Variants in FIGN observed in about 807,000 individuals in gnomAD.
The protein encoded by FIGN is fidgetin, microtubule severing factor.
In FIGN, 11 loss-of-function variants were observed where a neutral mutation model predicts 51.3. The observed-to-expected ratio is 0.21, with a 90% CI of 0.13 to 0.35. The LOEUF (loss-of-function observed/expected upper bound fraction) is 0.35. Ranked by LOEUF, FIGN falls within the 10% of genes least tolerant of loss-of-function variation. The pLI is 1.00. For missense variants in FIGN, 857 were observed against 943.6 expected (o/e 0.91, Z 1.20); for synonymous variants, 407 against 363.2 (o/e 1.12, Z -1.37).
intron 2 of FIGN, among the ~76,000 whole-genome samples, chr2:163,657,653 G>A (rs1427092211): frequency 1.3e-5 from 2 of 152,052 alleles, no homozygotes; most frequent in East Asian, 1.9e-4. Context: ...AACCAGCAAC[G>A]AGTTCTTCCA....
rs1553498293 is a variant in FIGN, at chr2:163,660,844, T to TATACATATATATGTATACATATATAC, written c.26-49039_26-49038insGTATATATGTATACATATATATGTAT. ...ACATATATATGTATACATATATACA[T>TATACATATATATGTATACATATATAC]ATATATATGTATACATATATATATA... On this transcript the variant is annotated intron_variant, in intron 2 of 2. Transcript: ENST00000333129. Among the ~76,000 whole-genome samples the TATACATATATATGTATACATATATAC allele has an allele frequency of 3.1e-5, 2 of 65,524 alleles. 1 individual carries two copies. Among genetic ancestry groups the TATACATATATATGTATACATATATAC allele is most frequent in the Non-Finnish European group, 5.6e-5 (2 of 36,024 alleles). The allele number at this position is 65,524 out of a possible 152,430, so 43.0% of individuals were successfully genotyped here. A position where few individuals can be genotyped will look rare whatever the true frequency, so the allele number is the denominator to read the frequency against.
chr2:163,620,158 A>G (rs1682943460), intron 2 of FIGN, among the ~76,000 whole-genome samples: 1 of 152,068 alleles, frequency 6.6e-6, no homozygotes, highest in South Asian at 2.1e-4. Context: ...TGATTTTCCC[A>G]TATTTAAAAA....
At chr2:163,652,469 A>T (rs1265272246) in intron 2 of FIGN, among the ~76,000 whole-genome samples, 1 of 99,442 alleles carries the variant, frequency 1.0e-5, no homozygotes, top group East Asian at 3.8e-4. Context: ...ACATAGTTTT[A>T]ATATATCCTA....
chr2:163,683,086 G>C (rs564406169), intron 2 of FIGN, among the ~76,000 whole-genome samples: 1 of 152,218 alleles, frequency 6.6e-6, no homozygotes, highest in East Asian at 1.9e-4. Flanking sequence ...AGACATATGG[G>C]TTGGAGGAAA....
Position 163,606,260 on chromosome 2 carries a change from G to A in FIGN, c.*3292C>T, listed in dbSNP as rs1415924413. Reference sequence around the variant, plus strand: ...AATGTTCTAAATATTTGGGAGAGAAGCATGCCAGAAGTGTAGAGTATTTCC... The same window carrying A: ...AATGTTCTAAATATTTGGGAGAGAAACATGCCAGAAGTGTAGAGTATTTCC... On this transcript the variant is annotated 3_prime_UTR_variant, in exon 3 of 3. Transcript: ENST00000333129. The A allele has an allele frequency of 1.3e-5, 2 of 152,132 alleles. No homozygotes were observed. 9.4% of individuals were successfully genotyped at this position (152,132 alleles called of 1,614,324 possible).
rs1215271557 is a variant in FIGN at position 163,638,704 on chromosome 2, A to G, written c.26-26898T>C. Among the ~76,000 whole-genome samples, 2 of 152,148 alleles carry G rather than the reference A, an allele frequency of 1.3e-5. 1 individual carries two copies. Among genetic ancestry groups the G allele is most frequent in the Non-Finnish European group, 2.9e-5 (2 of 68,044 alleles). On this transcript the variant is annotated intron_variant, in intron 2 of 2. Transcript: ENST00000333129. ...CTGCAGCACACACATTTATTTTCAC[A>G]TGCTTTATGGTTAGTTTTCATTCAG...
chr2:163,675,435 C>G (rs1683941016), intron 2 of FIGN, among the ~76,000 whole-genome samples: 1 of 152,224 alleles, frequency 6.6e-6, no homozygotes, highest in South Asian at 2.1e-4. Flanking sequence ...CCAGCAGCAA[C>G]AGCATCACTG....
At chr2:163,732,225 CT>C (rs1239578524) in intron 2 of FIGN, among the ~76,000 whole-genome samples, 1 of 152,134 alleles carries the variant, frequency 6.6e-6, no homozygotes, top group Non-Finnish European at 1.5e-5. Flanking sequence ...TTCCAAAGGA[CT>C]TATGTGTCCA....
chr2:163,633,015 CAA>C (rs576483120), intron 2 of FIGN, among the ~76,000 whole-genome samples: 3 of 149,608 alleles, frequency 2.0e-5, no homozygotes, highest in Non-Finnish European at 4.5e-5. Context: ...ACATAGCTAC[CAA>C]AAAAAAACCT....
intron 2 of FIGN, among the ~76,000 whole-genome samples, chr2:163,677,564 A>G (rs1051999968): frequency 1.3e-5 from 2 of 152,264 alleles, no homozygotes; most frequent in African/African-American, 4.8e-5. Flanking sequence ...GCTGGACAGC[A>G]GAGAAGCTAA....
chr2:163,641,495 A>G (rs1683305214), intron 2 of FIGN, among the ~76,000 whole-genome samples: 1 of 152,244 alleles, frequency 6.6e-6, no homozygotes, highest in South Asian at 2.1e-4. Flanking sequence ...GAGTTCTTAC[A>G]GATCAGGAAT....
In FIGN at chr2:163,670,550, A is replaced by G. The variant is rs150574086; in HGVS notation, c.26-58744T>C. Among the ~76,000 whole-genome samples the G allele has an allele frequency of 6.3e-3, 967 of 152,320 alleles. 7 individuals are homozygous for G. Among genetic ancestry groups the G allele is most frequent in the African/African-American group, 0.023 (943 of 41,570 alleles). The stretch of plus-strand genomic sequence containing the variant: ...TGTCATCTTTTCCAGTGTTTAGCTT[A>G]TCGATAGCTTACTTATAAAAGTCTG... On this transcript the variant is annotated intron_variant, in intron 2 of 2. Transcript: ENST00000333129.
chr2:163,666,134 T>A (rs1382033801), intron 2 of FIGN, among the ~76,000 whole-genome samples: 1 of 152,214 alleles, frequency 6.6e-6, no homozygotes, highest in East Asian at 1.9e-4. Context: ...ATTCTGGTTT[T>A]GAAACCTGAG....
At chr2:163,728,397 AACACACAC>A (rs60526284) in intron 2 of FIGN, among the ~76,000 whole-genome samples, 6,254 of 141,850 alleles carry the variant, frequency 0.044, 397 homozygotes, top group African/African-American at 0.14. Context: ...CAAACCATTA[AACACACAC>A]ACACACACAC....
chr2:163,610,276 G>T lies in FIGN; in HGVS notation c.1556C>A (p.Pro519His), dbSNP rs1691210604. The T allele has an allele frequency of 3.7e-6, 6 of 1,614,116 alleles. No individual in the cohort carries two copies. Among genetic ancestry groups the T allele is most frequent in the African/African-American group, 1.3e-5 (1 of 75,050 alleles). Residue 519 changes from proline to histidine, a missense_variant, in exon 3 of 3, where the codon CCT becomes CAT. Physicochemically the swap from Pro to His is moderately conservative, Grantham distance 77 (BLOSUM62 -2). Around this residue, in one of 3 missense-constraint regions of FIGN, gnomAD observed 799 missense variants for 849.5 expected, o/e 0.94. Coordinates refer to ENST00000333129, the MANE Select transcript of FIGN (RefSeq NM_018086.4). ...SDAFSGLTAL[P>H]RSILLFGPRG... ...AGGTCCAAATAAAAGGATGCTCCGA[G>T]GTAAGGCCGTCAGTCCACTGAACGC...
In FIGN at chr2:163,610,460, C is replaced by G; in HGVS notation, c.1372G>C (p.Asp458His). ...RAATSSNHSV[D>H]EQLKNTDTHL... The stretch of plus-strand genomic sequence containing the variant: ...GTGTCAGTATTCTTCAGTTGCTCGT[C>G]CACAGAGTGGTTGGATGAGGTAGCT... Residue 458 changes from aspartate to histidine, a missense_variant, in exon 3 of 3, where the codon GAC becomes CAC. Transcript: ENST00000333129. 6.2e-7 allele frequency: 1 copy of G among 1,614,130 alleles called. No individual in the cohort carries two copies. The highest frequency in any genetic ancestry group is 8.5e-7 in the Non-Finnish European group (1 of 1,180,034).
At chr2:163,646,869 A>G (rs1683390925) in intron 2 of FIGN, among the ~76,000 whole-genome samples, 1 of 152,250 alleles carries the variant, frequency 6.6e-6, no homozygotes, top group South Asian at 2.1e-4. Context: ...TGGTGACACA[A>G]TAGAATGCAA....
At chr2:163,696,263 G>C (rs1265930946) in intron 2 of FIGN, among the ~76,000 whole-genome samples, 2 of 152,156 alleles carry the variant, frequency 1.3e-5, no homozygotes, top group African/African-American at 4.8e-5. Flanking sequence ...GCAGATGTTA[G>C]GTGGTATAAC....
intron 2 of FIGN, among the ~76,000 whole-genome samples, chr2:163,618,915 T>A (rs149739693): frequency 1.1e-3 from 164 of 152,172 alleles, no homozygotes; most frequent in African/African-American, 3.5e-3. Flanking sequence ...TAAAAACATT[T>A]TCCAAATACT....
Sources: allele counts gnomAD v4.1 joint callset (sites outside exome capture counted in the v4.1 genomes callset), GRCh38; gene constraint gnomAD v4.1.1; regional missense constraint gnomAD v4.1.1; transcripts MANE v1.5; gene names NCBI Gene and HGNC (gene_info 2026-07-23, HGNC 2026-07-21).